AGBL1: variants seen among roughly 807,000 people sequenced by gnomAD.
AGBL1 encodes the protein AGBL carboxypeptidase 1, also known as cytosolic carboxypeptidase 4.
Under a neutral mutation model 118.9 loss-of-function variants are expected in AGBL1, and 130 were observed. The ratio of observed to expected loss-of-function variants is 1.09; its 90% CI spans 0.95 to 1.26. AGBL1 has a LOEUF of 1.26. Ranked by LOEUF, AGBL1 falls within the 50% of genes most tolerant of loss-of-function variation. The pLI, the probability that AGBL1 is intolerant of heterozygous loss-of-function variation, is 0.00. For synonymous variants in AGBL1, 555 were observed against 478.9 expected, an observed-to-expected ratio of 1.16 and a Z score of -2.08; for missense variants, 1,584 against 1,298.1, an observed-to-expected ratio of 1.22 and a Z score of -3.38.
chr15:86,356,629 T>C (rs1377069191), intron 17 of AGBL1, among the ~76,000 whole-genome samples: 2 of 152,120 alleles, frequency 1.3e-5, no homozygotes, highest in Non-Finnish European at 2.9e-5. Flanking sequence ...TGTTTGATGA[T>C]CTTCTGAGTC....
At chr15:86,779,855 T>C (rs1347081111) in intron 22 of AGBL1, among the ~76,000 whole-genome samples, 1 of 152,146 alleles carries the variant, frequency 6.6e-6, no homozygotes, top group Non-Finnish European at 1.5e-5. Flanking sequence ...CTTTTGTTCA[T>C]CGTTGTATTG....
intron 21 of AGBL1, among the ~76,000 whole-genome samples, chr15:86,612,905 T>C (rs567188869): frequency 6.6e-6 from 1 of 152,338 alleles, no homozygotes; most frequent in East Asian, 1.9e-4. Flanking sequence ...TTCAATTCTT[T>C]CGACCAATTG....
chr15:86,401,314 G>C (rs1293433140), intron 18 of AGBL1, among the ~76,000 whole-genome samples: 1 of 150,838 alleles, frequency 6.6e-6, no homozygotes, highest in Non-Finnish European at 1.5e-5. Flanking sequence ...TTTTTTTCTT[G>C]CTAATTTGTT....
chr15:86,416,540 C>G (rs1322108609), intron 18 of AGBL1, among the ~76,000 whole-genome samples: 2 of 151,994 alleles, frequency 1.3e-5, no homozygotes, highest in Admixed American at 6.6e-5. Flanking sequence ...CCATTGATGT[C>G]CATCTGATCT....
intron 23 of AGBL1, among the ~76,000 whole-genome samples, chr15:86,975,459 A>G (rs548299827): frequency 2.6e-4 from 39 of 152,096 alleles, no homozygotes; most frequent in Admixed American, 2.2e-3. Context: ...CTCCCACGAC[A>G]CCTGGGAATT....
intron 23 of AGBL1, among the ~76,000 whole-genome samples, chr15:86,964,951 G>T (rs1187936571): frequency 6.6e-6 from 1 of 152,124 alleles, no homozygotes; most frequent in African/African-American, 2.4e-5. Context: ...TCCCTGCAAA[G>T]GACATGAACT....
At chr15:86,283,352 C>T (rs993659871) in intron 16 of AGBL1, among the ~76,000 whole-genome samples, 10 of 152,072 alleles carry the variant, frequency 6.6e-5, no homozygotes, top group East Asian at 3.9e-4. Context: ...ACAACAAAAG[C>T]GGTCATTAGC....
intron 18 of AGBL1, among the ~76,000 whole-genome samples, chr15:86,494,302 G>A (rs1309365578): frequency 6.6e-6 from 1 of 152,012 alleles, no homozygotes; most frequent in African/African-American, 2.4e-5. Flanking sequence ...CATGTCTGTG[G>A]CACATTAAAA....
chr15:86,341,711 T>C (rs958626999), intron 17 of AGBL1, among the ~76,000 whole-genome samples: 1 of 152,172 alleles, frequency 6.6e-6, no homozygotes, highest in Non-Finnish European at 1.5e-5. Flanking sequence ...AATGTAACTA[T>C]GAGCTAGAGA....
intron 1 of AGBL1, among the ~76,000 whole-genome samples, chr15:86,111,280 T>C (rs770746448): frequency 2.0e-5 from 3 of 152,248 alleles, no homozygotes; most frequent in Non-Finnish European, 2.9e-5. Context: ...GGGTAGTGAC[T>C]AGTTCTGCTT....
At chr15:86,982,460 C>T (rs1567271601) in intron 23 of AGBL1, among the ~76,000 whole-genome samples, 1 of 151,786 alleles carries the variant, frequency 6.6e-6, no homozygotes, top group East Asian at 1.9e-4. Flanking sequence ...ATACAGTTGA[C>T]TTGTGAACAA....
At chr15:87,002,195 A>T (rs1469305911) in intron 24 of AGBL1, among the ~76,000 whole-genome samples, 1 of 152,080 alleles carries the variant, frequency 6.6e-6, no homozygotes, top group East Asian at 1.9e-4. Flanking sequence ...CTTTCTACAG[A>T]TGGCTAGCCA....
intron 17 of AGBL1, among the ~76,000 whole-genome samples, chr15:86,391,649 T>TG (rs1353676822): frequency 7.1e-6 from 1 of 140,706 alleles, no homozygotes; most frequent in Admixed American, 7.0e-5. Flanking sequence ...GGTTTTTTTT[T>TG]TTTTTTTTTT....
chr15:86,541,882 G>A (rs2083502339), intron 19 of AGBL1, among the ~76,000 whole-genome samples: 1 of 152,100 alleles, frequency 6.6e-6, no homozygotes, highest in Admixed American at 6.5e-5. Flanking sequence ...AGTACATGCT[G>A]TTACCCAAAA....
intron 19 of AGBL1, among the ~76,000 whole-genome samples, chr15:86,535,583 G>A (rs4887479): frequency 2.6e-5 from 4 of 152,278 alleles, no homozygotes; most frequent in East Asian, 1.9e-4. Context: ...TTTGAAGAGC[G>A]CATCAATTTC....
chr15:86,203,645 T>C (rs918878050), intron 5 of AGBL1, among the ~76,000 whole-genome samples: 3 of 152,232 alleles, frequency 2.0e-5, no homozygotes, highest in Non-Finnish European at 4.4e-5. Context: ...ACCTTTACTC[T>C]GTTTAATCTG....
At chr15:86,370,065 A>G (rs543503105) in intron 17 of AGBL1, among the ~76,000 whole-genome samples, 3 of 152,210 alleles carry the variant, frequency 2.0e-5, no homozygotes, top group Non-Finnish European at 4.4e-5. Context: ...ATCATAAAAA[A>G]TATTTAGAAA....
intron 23 of AGBL1, among the ~76,000 whole-genome samples, chr15:86,925,717 TTTC>T (rs1171909329): frequency 7.1e-6 from 1 of 140,626 alleles, no homozygotes; most frequent in Non-Finnish European, 1.5e-5. Flanking sequence ...TTCTTTTTCT[TTTC>T]TTTTTTTTTT....
At chr15:86,183,153 C>A (rs1045238266) in intron 5 of AGBL1, among the ~76,000 whole-genome samples, 13 of 152,108 alleles carry the variant, frequency 8.5e-5, no homozygotes, top group African/African-American at 2.9e-4. Flanking sequence ...TGCCTCTGTC[C>A]GATCTCTGGC....
Sources: allele counts gnomAD v4.1 joint callset (sites outside exome capture counted in the v4.1 genomes callset), GRCh38; gene constraint gnomAD v4.1.1; transcripts MANE v1.5; gene names NCBI Gene and HGNC (gene_info 2026-07-23, HGNC 2026-07-21).